The following UBE2E2 variants were observed in gnomAD, a reference collection of about 807,000 sequenced individuals.
UBE2E2 encodes ubiquitin-conjugating enzyme E2 E2.
A neutral mutation model predicts 24.7 loss-of-function variants in UBE2E2; 6 were observed. That is an observed-to-expected ratio of 0.24 (90% CI 0.13 to 0.48). The LOEUF is 0.48. Ranked by LOEUF, UBE2E2 falls within the 20% of genes least tolerant of loss-of-function variation. The pLI is 0.99. For synonymous variants in UBE2E2, 104 were observed against 83.6 expected (o/e 1.24, Z -1.33); for missense variants, 169 against 245.0 (o/e 0.69, Z 2.07).
chr3:23,414,454 A>G (rs1011760392), intron 3 of UBE2E2, among the ~76,000 whole-genome samples: 3 of 152,204 alleles, frequency 2.0e-5, no homozygotes, highest in African/African-American at 7.2e-5. Flanking sequence ...TAAACCGTTC[A>G]TGAAGGATCC....
chr3:23,239,442 T>TC (rs1479934699), intron 3 of UBE2E2, among the ~76,000 whole-genome samples: 1 of 150,604 alleles, frequency 6.6e-6, no homozygotes, highest in Non-Finnish European at 1.5e-5. Context: ...CATTCCCCCC[T>TC]CCCCCCCAGC....
intron 3 of UBE2E2, among the ~76,000 whole-genome samples, chr3:23,366,058 A>G (rs1312755953): frequency 6.6e-6 from 1 of 152,156 alleles, no homozygotes; most frequent in Non-Finnish European, 1.5e-5. Flanking sequence ...CTGGCTAGCA[A>G]TTTGCAGTAG....
Position 23,407,566 on chromosome 3 carries a change from C to CT in UBE2E2, c.228-92042_228-92041insT, listed in dbSNP as rs1697389309. On this transcript the variant is annotated intron_variant, in intron 3 of 5. Coordinates refer to ENST00000396703, the MANE Select transcript of UBE2E2 (RefSeq NM_152653.4). This position sits in a 1 kb window ranked among gnomAD's most constrained non-coding sequence, Gnocchi z 4.0. ...TTTGCTACATCCTTTATCTCCTCTGCGCCCCTCCCTCTACTTTTTATGGTT... is the reference window on the plus strand; with the variant it reads ...TTTGCTACATCCTTTATCTCCTCTGCTGCCCCTCCCTCTACTTTTTATGGTT... 6.9e-6 allele frequency among the ~76,000 whole-genome samples: 1 copy of CT among 145,430 alleles called. No homozygotes were observed. Among genetic ancestry groups the CT allele is most frequent in the African/African-American group, 2.6e-5 (1 of 37,804 alleles).
At chr3:23,487,644 C>G (rs1699405243) in intron 3 of UBE2E2, among the ~76,000 whole-genome samples, 1 of 152,156 alleles carries the variant, frequency 6.6e-6, no homozygotes, top group African/African-American at 2.4e-5. Flanking sequence ...GGAGTAGCTA[C>G]TTTTTCAGAG....
chr3:23,264,150 C>T (rs1396737037), intron 3 of UBE2E2, among the ~76,000 whole-genome samples: 2 of 152,244 alleles, frequency 1.3e-5, no homozygotes, highest in African/African-American at 4.8e-5. Context: ...ATTTAACATT[C>T]TGGGAGACAG....
chr3:23,498,455 T>G (rs1379792795), intron 3 of UBE2E2, among the ~76,000 whole-genome samples: 2 of 152,214 alleles, frequency 1.3e-5, no homozygotes, highest in Non-Finnish European at 2.9e-5. Flanking sequence ...TGTCGAGTTT[T>G]GGTTTTAAAA....
intron 3 of UBE2E2, among the ~76,000 whole-genome samples, chr3:23,244,258 G>C (rs1216670452): frequency 6.6e-6 from 1 of 152,044 alleles, no homozygotes; most frequent in Non-Finnish European, 1.5e-5. Flanking sequence ...AACCAAGAAA[G>C]ACTAAATGAT....
At chr3:23,350,349 G>A (rs927067110) in intron 3 of UBE2E2, among the ~76,000 whole-genome samples, 8 of 152,190 alleles carry the variant, frequency 5.3e-5, no homozygotes, top group Non-Finnish European at 7.3e-5. Flanking sequence ...CCAAAGGAAC[G>A]CAGTTCCTCA....
intron 3 of UBE2E2, chr3:23,390,034 T>G (rs983105579): frequency 6.6e-6 from 1 of 152,198 alleles, no homozygotes; most frequent in African/African-American, 2.4e-5. Flanking sequence ...GGCTCCTAGA[T>G]GCTTGAGGAA....
intron 3 of UBE2E2, among the ~76,000 whole-genome samples, chr3:23,351,045 A>C (rs1277653028): frequency 6.6e-6 from 1 of 152,244 alleles, no homozygotes; most frequent in East Asian, 1.9e-4. Context: ...CTCTCGGCAG[A>C]AACTCTACAA....
At chr3:23,588,799 T>C (rs527947463) in intron 5 of UBE2E2, among the ~76,000 whole-genome samples, 1 of 152,338 alleles carries the variant, frequency 6.6e-6, no homozygotes, top group South Asian at 2.1e-4. Flanking sequence ...GAAATCCATG[T>C]CATTAACATA....
intron 5 of UBE2E2, among the ~76,000 whole-genome samples, chr3:23,535,520 A>G (rs1205003016): frequency 2.0e-5 from 3 of 151,968 alleles, no homozygotes; most frequent in East Asian, 3.9e-4. Context: ...ACCAGCAATA[A>G]TCATTCTGTT....
At chr3:23,535,764 A>G (rs1311147822) in intron 5 of UBE2E2, among the ~76,000 whole-genome samples, 4 of 151,654 alleles carry the variant, frequency 2.6e-5, no homozygotes, top group African/African-American at 7.3e-5. Flanking sequence ...CTGGGTCTAC[A>G]GGCCCCACCA....
At chr3:23,289,961 C>T (rs1020420283) in intron 3 of UBE2E2, among the ~76,000 whole-genome samples, 5 of 151,886 alleles carry the variant, frequency 3.3e-5, no homozygotes, top group African/African-American at 9.7e-5. Context: ...ATTTCTCTTA[C>T]GGAGCATATA....
intron 4 of UBE2E2, among the ~76,000 whole-genome samples, chr3:23,531,841 G>C (rs1028367477): frequency 3.9e-5 from 6 of 151,926 alleles, no homozygotes; most frequent in Non-Finnish European, 7.4e-5. Flanking sequence ...GCAGGCGGAT[G>C]ACTTGAGGTC....
intron 3 of UBE2E2, among the ~76,000 whole-genome samples, chr3:23,485,147 T>G (rs987703206): frequency 7.0e-6 from 1 of 142,240 alleles, no homozygotes; most frequent in Non-Finnish European, 1.5e-5. Flanking sequence ...CAAGCTGGAG[T>G]GCAGTGGCAC....
chr3:23,377,193 T>C (rs1201029586), intron 3 of UBE2E2, among the ~76,000 whole-genome samples: 1 of 152,156 alleles, frequency 6.6e-6, no homozygotes, highest in Non-Finnish European at 1.5e-5. Flanking sequence ...AGCCCCTGAC[T>C]TGGCTGTTAT....
intron 3 of UBE2E2, among the ~76,000 whole-genome samples, chr3:23,245,146 G>A (rs539022132): frequency 6.6e-6 from 1 of 152,192 alleles, no homozygotes; most frequent in Non-Finnish European, 1.5e-5. Context: ...TGAGATAGTG[G>A]AAAGATGTTG....
At chr3:23,416,589 T>C (rs1251472860) in intron 3 of UBE2E2, among the ~76,000 whole-genome samples, 1 of 152,206 alleles carries the variant, frequency 6.6e-6, no homozygotes. Context: ...TGAATTTGAA[T>C]GTTGGCCTGT....
Sources: gnomAD v4.1 joint callset for allele counts (sites outside exome capture counted in the v4.1 genomes callset) on GRCh38, gnomAD v4.1.1 for gene constraint, Gnocchi (gnomAD v3.1) non-coding constraint, MANE v1.5 for transcripts, NCBI Gene and HGNC (gene_info 2026-07-23, HGNC 2026-07-21) for gene names.